DPT: variants seen among roughly 807,000 people sequenced by gnomAD.
DPT encodes tyrosine-rich acidic matrix protein.
Under a neutral mutation model 31.2 loss-of-function variants are expected in DPT, and 21 were observed. That is an observed-to-expected ratio of 0.67 (90% CI 0.48 to 0.97). The LOEUF (loss-of-function observed/expected upper bound fraction) is 0.97. Ranked by LOEUF, DPT falls within the 50% of genes least tolerant of loss-of-function variation. The probability of loss-of-function intolerance (pLI) is 0.00; values close to 1 mark genes in which losing one functional copy is unlikely to be tolerated. For synonymous variants in DPT, 91 were observed against 86.9 expected, an observed-to-expected ratio of 1.05 and a Z score of -0.26; for missense variants, 262 against 258.8, an observed-to-expected ratio of 1.01 and a Z score of -0.08.
intron 1 of DPT, among the ~76,000 whole-genome samples, chr1:168,716,185 T>C (rs968490530): frequency 6.6e-6 from 1 of 152,232 alleles, no homozygotes; most frequent in Non-Finnish European, 1.5e-5. Context: ...TATTACTTGT[T>C]ATTCATTTAT....
chr1:168,714,682 C>T (rs1649938613), intron 1 of DPT, among the ~76,000 whole-genome samples: 1 of 152,096 alleles, frequency 6.6e-6, no homozygotes, highest in Non-Finnish European at 1.5e-5. Context: ...TTGTATTATT[C>T]ATGCCATTTA....
intron 2 of DPT, among the ~76,000 whole-genome samples, chr1:168,712,299 C>T (rs996870230): frequency 5.3e-5 from 8 of 152,074 alleles, no homozygotes; most frequent in African/African-American, 7.2e-5. Context: ...GTTCCCCTTC[C>T]TCCCCACTGC....
intron 1 of DPT, among the ~76,000 whole-genome samples, chr1:168,727,140 G>A (rs565046002): frequency 6.6e-6 from 1 of 152,358 alleles, no homozygotes; most frequent in South Asian, 2.1e-4. Context: ...TGCTGACAGA[G>A]TCAGCTGTCG....
chr1:168,726,918 C>T (rs1343299899), intron 1 of DPT, among the ~76,000 whole-genome samples: 1 of 152,222 alleles, frequency 6.6e-6, no homozygotes, highest in East Asian at 1.9e-4. Context: ...CAAAGGCTGT[C>T]CAAGCAGCCT....
At chr1:168,700,542 G>A (rs1350131073) in intron 3 of DPT, among the ~76,000 whole-genome samples, 1 of 152,028 alleles carries the variant, frequency 6.6e-6, no homozygotes, top group Non-Finnish European at 1.5e-5. Context: ...GGTGGAAGGG[G>A]GTCCATTTTG....
chr1:168,696,526 C>T lies in DPT; in HGVS notation c.*23G>A, dbSNP rs760188907. ...CCTGTCCCCGGCCCCTTTCCTTTCA[C>T]CCAGATTTGGTATGTGGCAAATCTA... On this transcript the variant is annotated 3_prime_UTR_variant, in exon 4 of 4. Coordinates refer to ENST00000367817, the MANE Select transcript of DPT (RefSeq NM_001937.5). The T allele has an allele frequency of 4.3e-6, 7 of 1,610,852 alleles. No homozygotes were observed. In the South Asian group the frequency reaches 4.4e-5, roughly 10 times the overall value.
intron 2 of DPT, among the ~76,000 whole-genome samples, chr1:168,710,821 T>A (rs1010871582): frequency 6.6e-6 from 1 of 152,042 alleles, no homozygotes; most frequent in Non-Finnish European, 1.5e-5. Flanking sequence ...ACCTGTCTTT[T>A]TCAGGTCTCA....
Position 168,714,286 on chromosome 1 carries a change from T to A in DPT, c.366A>T (p.Ser122=). Residue 122 remains serine (S), a synonymous_variant, in exon 2 of 4, where the codon TCA becomes TCT. Transcript: ENST00000367817. Reference sequence around the variant, plus strand: ...AAAACTGCCACTCCCGATCCAGCACTGACTCGAAGTAGCGGCTCTGGAATC... The same window carrying A: ...AAAACTGCCACTCCCGATCCAGCACAGACTCGAAGTAGCGGCTCTGGAATC... ...VAGFQSRYFE[S]VLDREWQFYC... 6.2e-7 allele frequency: 1 copy of A among 1,614,124 alleles called. No individual in the cohort carries two copies. Among genetic ancestry groups the A allele is most frequent in the Non-Finnish European group, 8.5e-7 (1 of 1,180,020 alleles).
intron 2 of DPT, among the ~76,000 whole-genome samples, chr1:168,712,440 TGTAGTAA>T (rs1208524101): frequency 6.6e-6 from 1 of 152,238 alleles, no homozygotes; most frequent in African/African-American, 2.4e-5. Flanking sequence ...GTTATACTAA[TGTAGTAA>T]ATAAATTCAC....
intron 2 of DPT, among the ~76,000 whole-genome samples, chr1:168,710,211 G>C (rs1184155389): frequency 6.6e-6 from 1 of 152,190 alleles, no homozygotes; most frequent in Non-Finnish European, 1.5e-5. Flanking sequence ...CTTGAATCTT[G>C]TTCTGCTGCT....
intron 1 of DPT, among the ~76,000 whole-genome samples, chr1:168,714,982 C>G (rs558361625): frequency 6.6e-6 from 1 of 152,164 alleles, no homozygotes; most frequent in African/African-American, 2.4e-5. Context: ...AAGCTCTACA[C>G]AGCCATGGCA....
At chr1:168,710,169 A>G (rs189640168) in intron 2 of DPT, among the ~76,000 whole-genome samples, 12 of 152,362 alleles carry the variant, frequency 7.9e-5, no homozygotes, top group Admixed American at 6.5e-4. Context: ...CCAGCGGGAT[A>G]GTGAGTCATA....
chr1:168,711,527 C>T (rs2101905139), intron 2 of DPT, among the ~76,000 whole-genome samples: 1 of 152,354 alleles, frequency 6.6e-6, no homozygotes, highest in Non-Finnish European at 1.5e-5. Context: ...GCTGCCTCAG[C>T]TTACTCCTCT....
At chr1:168,704,428 T>G (rs866252994) in intron 2 of DPT, among the ~76,000 whole-genome samples, 12 of 152,356 alleles carry the variant, frequency 7.9e-5, no homozygotes, top group Middle Eastern at 3.4e-3. Flanking sequence ...TATTACTTAA[T>G]TTTTAATAAA....
chr1:168,717,980 T>G (rs1265206012), intron 1 of DPT, among the ~76,000 whole-genome samples: 1 of 152,198 alleles, frequency 6.6e-6, no homozygotes, highest in African/African-American at 2.4e-5. Context: ...GAGAGGTAAT[T>G]TCAATATGAA....
At chr1:168,716,570 G>A (rs1324457695) in intron 1 of DPT, among the ~76,000 whole-genome samples, 1 of 152,070 alleles carries the variant, frequency 6.6e-6, no homozygotes, top group Non-Finnish European at 1.5e-5. Context: ...TAAGTTCCGG[G>A]ATACAAGTAC....
chr1:168,715,683 G>A (rs899132729), intron 1 of DPT, among the ~76,000 whole-genome samples: 4 of 152,230 alleles, frequency 2.6e-5, no homozygotes, highest in Admixed American at 6.5e-5. Flanking sequence ...TTGAGCACAA[G>A]GATGATCATT....
At chr1:168,701,262 A>C (rs1649591980) in intron 2 of DPT, 138 bp from the exon 3 acceptor site, 1 of 680,772 alleles carries the variant, frequency 1.5e-6, no homozygotes, top group Non-Finnish European at 2.6e-6. Context: ...ACATCCACCA[A>C]ACAACTCCAG....
chr1:168,702,851 A>G (rs1055153135), intron 2 of DPT, among the ~76,000 whole-genome samples: 1 of 151,974 alleles, frequency 6.6e-6, no homozygotes, highest in Non-Finnish European at 1.5e-5. Flanking sequence ...ACCTTAAGTG[A>G]TCCACCCGCC....
Sources: gnomAD v4.1 joint callset for allele counts (sites outside exome capture counted in the v4.1 genomes callset) on GRCh38, gnomAD v4.1.1 for gene constraint, MANE v1.5 for transcripts, NCBI Gene and HGNC (gene_info 2026-07-23, HGNC 2026-07-21) for gene names.